Variants in ZNF333 observed in about 807,000 individuals in gnomAD.
ZNF333 encodes the protein zinc finger protein 333.
ZNF333 carries 61 observed loss-of-function variants against 76.1 expected under a neutral mutation model. The observed-to-expected ratio is 0.80, with a 90% CI of 0.65 to 0.99. The LOEUF is 0.99. Among genes scored for constraint, ZNF333 ranks in the 50% least tolerant of loss-of-function variants. ZNF333 has a pLI of 0.00. For missense variants in ZNF333, 717 were observed against 822.4 expected, an observed-to-expected ratio of 0.87 and a Z score of 1.57; for synonymous variants, 284 against 305.0, an observed-to-expected ratio of 0.93 and a Z score of 0.72.
chr19:14,692,389 G>A (rs1445334049), intron 1 of ZNF333, among the ~76,000 whole-genome samples: 1 of 152,232 alleles, frequency 6.6e-6, no homozygotes, highest in Non-Finnish European at 1.5e-5. Flanking sequence ...GAAGCCTGCT[G>A]TGTTCCAGGA....
chr19:14,733,259 C>A (rs192222124), exon 12 of ZNF333: 2 of 152,224 alleles, frequency 1.3e-5, no homozygotes, highest in East Asian at 1.9e-4. Context: ...GGACAAACAC[C>A]GCCACTTTAA....
chr19:14,726,071 G>A (rs1159407031), downstream of ZNF333, among the ~76,000 whole-genome samples: 1 of 152,172 alleles, frequency 6.6e-6, no homozygotes, highest in East Asian at 1.9e-4. Flanking sequence ...AAGCCACTAA[G>A]CCTCCTTCAT....
chr19:14,692,941 GCCTC>G (rs1972883643), intron 1 of ZNF333, among the ~76,000 whole-genome samples: 1 of 147,764 alleles, frequency 6.8e-6, no homozygotes, highest in African/African-American at 2.5e-5. Context: ...TACTGCCTCA[GCCTC>G]CCTCCCGAGC....
chr19:14,701,599 AGAAAG>A (rs2041960746), intron 5 of ZNF333: 3 of 985,456 alleles, frequency 3.0e-6, no homozygotes, highest in Non-Finnish European at 3.6e-6. Flanking sequence ...CCCCATGTGA[AGAAAG>A]GAGAGAGGGA....
intron 11 of ZNF333, among the ~76,000 whole-genome samples, chr19:14,729,810 C>T (rs1204447632): frequency 6.6e-6 from 1 of 152,168 alleles, no homozygotes. Flanking sequence ...ACGAGGCATA[C>T]ATTAATTTGC....
At chr19:14,730,310 C>T (rs2042659261) in intron 11 of ZNF333, among the ~76,000 whole-genome samples, 1 of 152,168 alleles carries the variant, frequency 6.6e-6, no homozygotes, top group Non-Finnish European at 1.5e-5. Context: ...CTGCCTCAGT[C>T]TCCCAAAGTG....
chr19:14,700,111 C>T (rs909912170), intron 5 of ZNF333: 4 of 152,090 alleles, frequency 2.6e-5, no homozygotes, highest in Non-Finnish European at 4.4e-5. Context: ...CTCAAGCGAT[C>T]CTTCTACCTC....
chr19:14,719,342 A>G lies in ZNF333; in HGVS notation c.*17A>G, dbSNP rs754446447. The G allele has an allele frequency of 1.3e-5, 21 of 1,583,752 alleles. No individual in the cohort carries two copies. The highest frequency in any genetic ancestry group is 1.8e-5 in the Non-Finnish European group (21 of 1,165,904). ...GCTAATTAACTTCCATTTTGTAAAA[A>G]TATAAACACATGGGGCTATGACTTT... is the stretch of plus-strand genomic sequence containing the variant. On this transcript the variant is annotated 3_prime_UTR_variant, in exon 12 of 12. Coordinates refer to ENST00000292530, the MANE Select transcript of ZNF333 (RefSeq NM_032433.4).
Position 14,697,357 on chromosome 19 carries a change from C to CTTTTTTTTTTTTT in ZNF333, c.223+1706_223+1718dup, listed in dbSNP as rs139125023. Among the ~76,000 whole-genome samples, 135 of 90,788 alleles carry CTTTTTTTTTTTTT rather than the reference C, an allele frequency of 1.5e-3. 1 individual carries two copies. The highest frequency in any genetic ancestry group is 2.7e-3 in the African/African-American group (62 of 22,554). The allele number at this position is 90,788 out of a possible 152,430, so 59.6% of individuals were successfully genotyped here. A position where few individuals can be genotyped will look rare whatever the true frequency, so the allele number is the denominator to read the frequency against. ...GTGTACAATATTTCTTTTTTCTTTTCTTTTTTTTTTTTTTTTTTTTTTGAG... is the reference window on the plus strand; with the variant it reads ...GTGTACAATATTTCTTTTTTCTTTTCTTTTTTTTTTTTTTTTTTTTTTTTTTTTTTTTTTTGAG... On this transcript the variant is annotated intron_variant, in intron 4 of 11. Coordinates refer to ENST00000292530, the MANE Select transcript of ZNF333 (RefSeq NM_032433.4).
chr19:14,729,425 C>T (rs956370126), intron 11 of ZNF333, among the ~76,000 whole-genome samples: 3 of 151,782 alleles, frequency 2.0e-5, no homozygotes, highest in African/African-American at 7.3e-5. Context: ...GTGGTGTGGT[C>T]ACAGCTCACT....
At chr19:14,718,103 T>C in intron 11 of ZNF333, 125 bp from the exon 12 acceptor site, 1 of 1,305,052 alleles carries the variant, frequency 7.7e-7, no homozygotes. Context: ...AGAAATGGTA[T>C]GGACTCCATA....
intron 7 of ZNF333, chr19:14,708,903 A>C (rs2042195468): frequency 6.6e-6 from 1 of 152,038 alleles, no homozygotes; most frequent in Non-Finnish European, 1.5e-5. Flanking sequence ...TCTGTGTCCA[A>C]ATGTCGTCTT....
chr19:14,705,093 A>G lies in ZNF333; in HGVS notation c.346A>G (p.Ile116Val), dbSNP rs772640689. 4.0e-5 allele frequency: 65 copies of G among 1,613,978 alleles called. No homozygotes were observed. The highest frequency in any genetic ancestry group is 1.7e-4 in the Middle Eastern group (1 of 6,032). Residue 116 changes from isoleucine (I) to valine (V), a missense_variant, in exon 6 of 12, where the codon ATA becomes GTA. By Grantham distance (29) the Ile-to-Val change is conservative. Coordinates refer to ENST00000292530, the MANE Select transcript of ZNF333 (RefSeq NM_032433.4). ...LFLRMQLVPS[I>V]EERETPLTRE... Reference sequence around the variant, plus strand: ...CCTGAGGATGCAGCTGGTGCCCTCCATAGAAGAGAGGGAGACACCATTGAC... The same window carrying G: ...CCTGAGGATGCAGCTGGTGCCCTCCGTAGAAGAGAGGGAGACACCATTGAC...
At chr19:14,715,111 T>G in intron 7 of ZNF333, 1 of 392,414 alleles carries the variant, frequency 2.5e-6, no homozygotes, top group Non-Finnish European at 4.9e-6. Context: ...ATGTTATATA[T>G]ATGAACAGGT....
downstream of ZNF333, among the ~76,000 whole-genome samples, chr19:14,726,217 G>A (rs1249583062): frequency 6.6e-5 from 10 of 152,214 alleles, no homozygotes; most frequent in African/African-American, 1.7e-4. Context: ...TGGCTGGAAC[G>A]TGGAGAATGG....
intron 1 of ZNF333, among the ~76,000 whole-genome samples, chr19:14,693,100 A>G (rs1243351204): frequency 1.3e-5 from 2 of 152,158 alleles, no homozygotes; most frequent in Non-Finnish European, 2.9e-5. Context: ...TGAGCAACAG[A>G]GTGAGACTCA....
upstream of ZNF333, chr19:14,689,978 C>T (rs1972616691): frequency 1.3e-5 from 2 of 152,428 alleles, no homozygotes; most frequent in South Asian, 2.1e-4. Context: ...TCTCTGCCGC[C>T]GCCTAAGGCT....
chr19:14,695,254 C>T, intron 3 of ZNF333, 121 bp downstream of exon 3: 2 of 1,365,224 alleles, frequency 1.5e-6, no homozygotes, highest in East Asian at 2.5e-5. Context: ...CACAGGATGA[C>T]AAAGCTTCAT....
rs149104672 is a variant in ZNF333 at position 14,719,169 on chromosome 19, C to T, written c.1842C>T (p.Ala614=). ...TTGTACATGTGAGAACACACAGTGC[C>T]GGGAGACCCTATCAATGTAATCAGT... ...HLIVHVRTHS[A]GRPYQCNQCE... is the part of the protein sequence containing the mutation. The change falls in exon 12 of 12, where the codon GCC becomes GCT. Residue 614 remains alanine, a synonymous_variant. Coordinates refer to ENST00000292530, the MANE Select transcript of ZNF333 (RefSeq NM_032433.4). 3.2e-5 allele frequency: 52 copies of T among 1,613,964 alleles called. No homozygotes were observed. The highest frequency in any genetic ancestry group is 2.3e-4 in the African/African-American group (17 of 74,884).
Sources: gnomAD v4.1 joint callset for allele counts (sites outside exome capture counted in the v4.1 genomes callset) on GRCh38, gnomAD v4.1.1 for gene constraint, MANE v1.5 for transcripts, NCBI Gene and HGNC (gene_info 2026-07-23, HGNC 2026-07-21) for gene names.